The following UBE2U variants were observed in gnomAD, a reference collection of about 807,000 sequenced individuals.
UBE2U encodes ubiquitin-conjugating enzyme E2 U.
In UBE2U, 39 loss-of-function variants were observed where a neutral mutation model predicts 41.2. The ratio of observed to expected loss-of-function variants is 0.95; its 90% CI spans 0.73 to 1.24. The LOEUF (loss-of-function observed/expected upper bound fraction) is 1.24, where lower values mean the gene tolerates loss of function less well. Among genes scored for constraint, UBE2U ranks in the 50% most tolerant of loss-of-function variants. The probability of loss-of-function intolerance (pLI) is 0.00; values close to 1 mark genes in which losing one functional copy is unlikely to be tolerated. For synonymous variants in UBE2U, 107 were observed against 117.8 expected, an observed-to-expected ratio of 0.91 and a Z score of 0.60; for missense variants, 336 against 363.1, an observed-to-expected ratio of 0.93 and a Z score of 0.61.
chr1:64,217,137 A>G lies in UBE2U; in HGVS notation c.457+2205A>G, dbSNP rs189310547. On this transcript the variant is annotated intron_variant, in intron 5 of 9. Coordinates refer to ENST00000371077, the MANE Select transcript of UBE2U (RefSeq NM_001366232.2). ...TTGTTTGAAATAATTCAAGTTGCTT[A>G]AAAGAATGGACAAGGCCAGGCTGGC... Among the ~76,000 whole-genome samples the G allele has an allele frequency of 5.9e-5, 9 of 152,340 alleles. No homozygotes were observed. In the East Asian group the frequency reaches 1.7e-3, roughly 29 times the overall value.
At chr1:64,239,086 GGAAGAGGAAGAAGAA>G (rs1644735478) in intron 7 of UBE2U, among the ~76,000 whole-genome samples, 1 of 44,142 alleles carries the variant, frequency 2.3e-5, no homozygotes, top group Non-Finnish European at 4.5e-5. Context: ...AAGAGGAAGA[GGAAGAGGAAGAAGAA>G]GAAGAAGAAG....
intron 7 of UBE2U, among the ~76,000 whole-genome samples, chr1:64,239,146 A>AGAG (rs1644762890): frequency 7.6e-5 from 2 of 26,376 alleles, no homozygotes; most frequent in Admixed American, 8.8e-4. Context: ...AAGAAGAAGA[A>AGAG]GAAGAAGAAG....
At chr1:64,218,298 T>A (rs1473544404) in intron 5 of UBE2U, among the ~76,000 whole-genome samples, 1 of 152,086 alleles carries the variant, frequency 6.6e-6, no homozygotes, top group Non-Finnish European at 1.5e-5. Context: ...CAGGGTAGAG[T>A]GTGGATCTAT....
chr1:64,253,060 A>C (rs1465463374), intron 8 of UBE2U, among the ~76,000 whole-genome samples: 1 of 152,052 alleles, frequency 6.6e-6, no homozygotes, highest in African/African-American at 2.4e-5. Flanking sequence ...CAGTTTAGAG[A>C]GGAACATAAA....
chr1:64,260,755 T>A (rs1028888466), intron 9 of UBE2U, 61 bp downstream of exon 9: 30 of 1,326,490 alleles, frequency 2.3e-5, no homozygotes, highest in Admixed American at 8.8e-5. Context: ...ATAATATGCA[T>A]AACTTTAAAC....
intron 2 of UBE2U, among the ~76,000 whole-genome samples, chr1:64,206,270 C>T (rs1287471142): frequency 1.3e-5 from 2 of 151,784 alleles, no homozygotes; most frequent in Non-Finnish European, 2.9e-5. Context: ...ATAAAATATA[C>T]ATTATTATGG....
At chr1:64,213,709 T>C (rs939958241) in intron 4 of UBE2U, among the ~76,000 whole-genome samples, 2 of 152,214 alleles carry the variant, frequency 1.3e-5, no homozygotes, top group Non-Finnish European at 2.9e-5. Flanking sequence ...ATTATTGCTA[T>C]TATGGTATGT....
rs1168008675 is a variant in UBE2U at position 64,239,111 on chromosome 1, G to GAA, written c.596-2540_596-2539dup. 2.2e-4 allele frequency among the ~76,000 whole-genome samples: 6 copies of GAA among 26,856 alleles called. 1 individual carries two copies. Among genetic ancestry groups the GAA allele is most frequent in the African/African-American group, 1.7e-3 (5 of 2,930 alleles). 17.6% of individuals were successfully genotyped at this position (26,856 alleles called of 152,430 possible). ...GGAAGAGGAAGAAGAAGAAGAAGAA[G>GAA]AAGAAGAAGAAGAAGAAGAAGAAGA... On this transcript the variant is annotated intron_variant, in intron 7 of 9. Transcript: ENST00000371077.
At chr1:64,214,757 G>A (rs576970691) in intron 4 of UBE2U, 58 bp from the exon 5 acceptor site, 43 of 1,368,338 alleles carry the variant, frequency 3.1e-5, no homozygotes, top group South Asian at 1.4e-4. Context: ...TTGGTTTGTC[G>A]TTTTGCTCTA....
chr1:64,243,624 A>G (rs1644871635), intron 8 of UBE2U, among the ~76,000 whole-genome samples: 1 of 152,206 alleles, frequency 6.6e-6, no homozygotes, highest in Non-Finnish European at 1.5e-5. Context: ...CTGTATTTGC[A>G]TAGCATTGAA....
chr1:64,223,256 C>T (rs944525879), intron 6 of UBE2U, among the ~76,000 whole-genome samples: 17 of 152,080 alleles, frequency 1.1e-4, no homozygotes, highest in African/African-American at 4.1e-4. Flanking sequence ...TCCATAAATA[C>T]AAATTATTTG....
Position 64,267,080 on chromosome 1 carries a change from A to G in UBE2U, c.826A>G (p.Thr276Ala). ...AINSITDIYETEEEGWKSDTS... is the reference protein window; with the variant it reads ...AINSITDIYEAEEEGWKSDTS... ...AAATAGCATCACAGACATTTATGAA[A>G]CAGAAGAGGAGGGGTGGAAGAGTGA... The change falls in exon 10 of 10, where the codon ACA becomes GCA. Residue 276 changes from threonine to alanine, a missense_variant. By Grantham distance (58) the Thr-to-Ala change is moderately conservative. Transcript: ENST00000371077. The G allele has an allele frequency of 1.9e-6, 3 of 1,550,478 alleles. No homozygotes were observed. In the South Asian group the frequency reaches 3.6e-5, roughly 18 times the overall value.
At chr1:64,252,702 C>T (rs1312297912) in intron 8 of UBE2U, among the ~76,000 whole-genome samples, 1 of 152,078 alleles carries the variant, frequency 6.6e-6, no homozygotes, top group Non-Finnish European at 1.5e-5. Context: ...AAAAGAAAAA[C>T]AAACAAACAG....
intron 7 of UBE2U, among the ~76,000 whole-genome samples, chr1:64,236,888 T>G (rs1257734650): frequency 1.3e-5 from 2 of 152,144 alleles, no homozygotes; most frequent in Non-Finnish European, 2.9e-5. Context: ...TGTAAAACTT[T>G]CAATATAGAT....
chr1:64,239,134 A>AAGAGGAAGAGGAAGAG (rs1644756925), intron 7 of UBE2U, among the ~76,000 whole-genome samples: 2 of 28,842 alleles, frequency 6.9e-5, no homozygotes, highest in South Asian at 1.6e-3. Flanking sequence ...AAGAAGAAGA[A>AAGAGGAAGAGGAAGAG]GAAGAAGAAG....
chr1:64,257,020 A>C (rs1007951399), intron 8 of UBE2U, among the ~76,000 whole-genome samples: 14 of 152,240 alleles, frequency 9.2e-5, no homozygotes, highest in Non-Finnish European at 7.3e-5. Flanking sequence ...TTGACTGATC[A>C]TTAGAGAAAT....
At chr1:64,235,215 T>C (rs1167995874) in intron 7 of UBE2U, among the ~76,000 whole-genome samples, 1 of 152,248 alleles carries the variant, frequency 6.6e-6, no homozygotes, top group Non-Finnish European at 1.5e-5. Context: ...TAACCTAGTA[T>C]GTGATTCATC....
chr1:64,248,636 C>A (rs1644959751), intron 8 of UBE2U, among the ~76,000 whole-genome samples: 1 of 150,954 alleles, frequency 6.6e-6, no homozygotes, highest in Non-Finnish European at 1.5e-5. Context: ...ATTTTAGTGA[C>A]ATTAAAAATT....
rs551089219 is a variant in UBE2U, at chr1:64,256,000, CATGA to C, written c.678-4597_678-4594del. Among the ~76,000 whole-genome samples, 32 of 152,110 alleles carry C rather than the reference CATGA, an allele frequency of 2.1e-4. 6 individuals carry two copies. In the South Asian group the frequency reaches 3.1e-3, roughly 15 times the overall value. On this transcript the variant is annotated intron_variant, in intron 8 of 9. Transcript: ENST00000371077. ...TCAACAGGCAAGCAGAGAGTCAAAT[CATGA>C]ATGAACTCCCATTCACAATTGCTAC...
Sources: allele counts gnomAD v4.1 joint callset (sites outside exome capture counted in the v4.1 genomes callset), GRCh38; gene constraint gnomAD v4.1.1; transcripts MANE v1.5; gene names NCBI Gene and HGNC (gene_info 2026-07-23, HGNC 2026-07-21).